NKAIN3: variants seen among roughly 807,000 people sequenced by gnomAD.
NKAIN3 encodes the protein sodium/potassium transporting ATPase interacting 3, also known as sodium/potassium-transporting ATPase subunit beta-1-interacting protein 3.
A neutral mutation model predicts 30.2 loss-of-function variants in NKAIN3; 25 were observed. The ratio of observed to expected loss-of-function variants is 0.83; its 90% confidence interval spans 0.60 to 1.16. NKAIN3 has a LOEUF of 1.16. Among genes scored for constraint, NKAIN3 ranks in the 50% most tolerant of loss-of-function variants. NKAIN3 has a pLI of 0.00. For missense variants in NKAIN3, 225 were observed against 254.1 expected, an observed-to-expected ratio of 0.89 and a Z score of 0.78; for synonymous variants, 91 against 89.6, an observed-to-expected ratio of 1.02 and a Z score of -0.09.
chr8:62,803,161 A>T (rs889391267), intron 4 of NKAIN3, among the ~76,000 whole-genome samples: 28 of 152,262 alleles, frequency 1.8e-4, no homozygotes, highest in African/African-American at 6.3e-4. Flanking sequence ...ACACAATAAT[A>T]ATGGGAGACT....
intron 1 of NKAIN3, among the ~76,000 whole-genome samples, chr8:62,288,170 G>A (rs1039943540): frequency 2.0e-5 from 3 of 152,106 alleles, no homozygotes; most frequent in South Asian, 2.1e-4. Flanking sequence ...CATGTCCTGC[G>A]TGTTGGACTG....
intron 1 of NKAIN3, among the ~76,000 whole-genome samples, chr8:62,484,739 AG>A (rs1383972615): frequency 6.6e-6 from 1 of 152,186 alleles, no homozygotes; most frequent in Non-Finnish European, 1.5e-5. Flanking sequence ...ATGTGAACAG[AG>A]ATCCAAGGTG....
chr8:62,270,164 C>T (rs1317952616), intron 1 of NKAIN3, among the ~76,000 whole-genome samples: 1 of 152,060 alleles, frequency 6.6e-6, no homozygotes, highest in Non-Finnish European at 1.5e-5. Flanking sequence ...ACTGCAGCCT[C>T]GAACTCCTGG....
At chr8:62,367,732 C>T (rs1384149228) in intron 1 of NKAIN3, among the ~76,000 whole-genome samples, 1 of 152,038 alleles carries the variant, frequency 6.6e-6, no homozygotes, top group Non-Finnish European at 1.5e-5. Flanking sequence ...ACTGGAAGTC[C>T]TAATCAGAGC....
intron 6 of NKAIN3, among the ~76,000 whole-genome samples, chr8:62,958,762 A>G (rs1213674918): frequency 6.6e-6 from 1 of 152,222 alleles, no homozygotes; most frequent in Non-Finnish European, 1.5e-5. Context: ...TTCCATCCAA[A>G]TGGTTAGCAA....
chr8:62,780,499 G>A (rs538640854), intron 4 of NKAIN3, among the ~76,000 whole-genome samples: 2 of 151,916 alleles, frequency 1.3e-5, no homozygotes, highest in African/African-American at 2.4e-5. Flanking sequence ...AAAACTACAG[G>A]CCTATATCAC....
chr8:62,267,017 G>A (rs1812629850), intron 1 of NKAIN3, among the ~76,000 whole-genome samples: 1 of 152,204 alleles, frequency 6.6e-6, no homozygotes, highest in Non-Finnish European at 1.5e-5. Context: ...GCTTGCCCTT[G>A]AATTATTCCC....
chr8:62,552,110 G>A (rs1195766601), intron 1 of NKAIN3, among the ~76,000 whole-genome samples: 1 of 152,142 alleles, frequency 6.6e-6, no homozygotes, highest in Non-Finnish European at 1.5e-5. Flanking sequence ...TGTTGTGAAA[G>A]TTGACAGTGA....
chr8:62,759,659 T>C (rs1405405468), intron 4 of NKAIN3, among the ~76,000 whole-genome samples: 6 of 152,138 alleles, frequency 3.9e-5, no homozygotes, highest in African/African-American at 1.4e-4. Context: ...GAAATTGCAG[T>C]AATGCTGCAG....
intron 4 of NKAIN3, among the ~76,000 whole-genome samples, chr8:62,767,776 T>C (rs1314144680): frequency 2.0e-5 from 3 of 151,994 alleles, no homozygotes; most frequent in Non-Finnish European, 4.4e-5. Flanking sequence ...CTCATGTTGC[T>C]ATAGAGAGAA....
chr8:62,946,422 C>A (rs1823127208), intron 5 of NKAIN3, among the ~76,000 whole-genome samples: 1 of 152,192 alleles, frequency 6.6e-6, no homozygotes, highest in African/African-American at 2.4e-5. Flanking sequence ...CAGGAGACAG[C>A]AACAGATCAG....
rs77346577 is a variant in NKAIN3 at position 62,973,429 on chromosome 8, A to AT, written c.*8031dup. Among the ~76,000 whole-genome samples the AT allele has an allele frequency of 1.1e-4, 16 of 151,648 alleles. No homozygotes were observed. The highest frequency in any genetic ancestry group is 2.4e-4 in the African/African-American group (10 of 41,348). ...TTCTCTAATGACCAGTGATGATGAG[A>AT]TTTTTTTTTACGTTTGTTGGCTGCA... On this transcript the variant is annotated 3_prime_UTR_variant, in exon 7 of 7. Coordinates refer to ENST00000623646, the MANE Select transcript of NKAIN3 (RefSeq NM_001304533.3).
At chr8:62,512,959 G>A (rs1005081627) in intron 1 of NKAIN3, among the ~76,000 whole-genome samples, 2 of 152,024 alleles carry the variant, frequency 1.3e-5, no homozygotes, top group African/African-American at 4.8e-5. Context: ...CAAGAAATAT[G>A]GCAGCAGGGT....
At chr8:62,276,548 T>C (rs1812969996) in intron 1 of NKAIN3, among the ~76,000 whole-genome samples, 1 of 152,246 alleles carries the variant, frequency 6.6e-6, no homozygotes, top group Non-Finnish European at 1.5e-5. Flanking sequence ...GATGATGTTC[T>C]ATTAAGTACA....
chr8:62,290,939 A>T (rs969098865), intron 1 of NKAIN3, among the ~76,000 whole-genome samples: 2 of 152,126 alleles, frequency 1.3e-5, no homozygotes, highest in Non-Finnish European at 2.9e-5. Flanking sequence ...CTATTCAGGG[A>T]TTCCACTTCT....
intron 4 of NKAIN3, among the ~76,000 whole-genome samples, chr8:62,795,614 A>G (rs1817835570): frequency 6.6e-6 from 1 of 152,170 alleles, no homozygotes; most frequent in African/African-American, 2.4e-5. Flanking sequence ...TTTTAGCTCT[A>G]AAATGGAATT....
chr8:62,941,229 A>G (rs965865172), intron 5 of NKAIN3, among the ~76,000 whole-genome samples: 1 of 152,106 alleles, frequency 6.6e-6, no homozygotes, highest in Admixed American at 6.5e-5. Flanking sequence ...GCAGACCAAT[A>G]ACAAGCAGCA....
intron 1 of NKAIN3, among the ~76,000 whole-genome samples, chr8:62,439,580 A>T (rs774166205): frequency 1.3e-5 from 2 of 152,162 alleles, no homozygotes; most frequent in East Asian, 3.9e-4. Context: ...GTTCCCTCTC[A>T]TGTTACTTTC....
rs955463332 is a variant in NKAIN3, at chr8:62,981,292, G to A, written c.*15885G>A. 9.2e-5 allele frequency: 14 copies of A among 152,156 alleles called. No homozygotes were observed. The highest frequency in any genetic ancestry group is 3.4e-4 in the African/African-American group (14 of 41,438). 9.4% of individuals were successfully genotyped at this position (152,156 alleles called of 1,614,324 possible). On this transcript the variant is annotated 3_prime_UTR_variant, in exon 7 of 7. Transcript: ENST00000623646. ...GGGCCCCTGCAAATCTATGATGCTA[G>A]ATGACAGATTCTACCAGAAGGCCAG...
Sources: gnomAD v4.1 joint callset for allele counts (sites outside exome capture counted in the v4.1 genomes callset) on GRCh38, gnomAD v4.1.1 for gene constraint, MANE v1.5 for transcripts, NCBI Gene and HGNC (gene_info 2026-07-23, HGNC 2026-07-21) for gene names.